Variants in WDR64 observed in about 807,000 individuals in gnomAD.
WDR64 encodes the protein WD repeat domain 64, also known as WD repeat-containing protein 64.
WDR64 carries 112 observed loss-of-function variants against 139.3 expected under a neutral mutation model. The observed-to-expected ratio is 0.80, with a 90% CI of 0.69 to 0.94. The LOEUF (loss-of-function observed/expected upper bound fraction) is 0.94, where lower values mean the gene tolerates loss of function less well. Among genes scored for constraint, WDR64 ranks in the 40% least tolerant of loss-of-function variants. The pLI is 0.00. For missense variants in WDR64, 1,206 were observed against 1,293.1 expected, an observed-to-expected ratio of 0.93 and a Z score of 1.03; for synonymous variants, 444 against 437.7, an observed-to-expected ratio of 1.01 and a Z score of -0.18.
At chr1:241,682,451 A>G (rs960646065) in intron 6 of WDR64, among the ~76,000 whole-genome samples, 2 of 152,142 alleles carry the variant, frequency 1.3e-5, no homozygotes, top group Non-Finnish European at 2.9e-5. Context: ...ATTTGGATTT[A>G]TTTCTGAGTT....
At chr1:241,662,986 T>C (rs960937956) in intron 2 of WDR64, among the ~76,000 whole-genome samples, 1 of 152,160 alleles carries the variant, frequency 6.6e-6, no homozygotes, top group African/African-American at 2.4e-5. Context: ...AATAGAATTA[T>C]ATGGCAAACT....
intron 13 of WDR64, among the ~76,000 whole-genome samples, chr1:241,748,596 C>T (rs1443310589): frequency 6.6e-6 from 1 of 152,058 alleles, no homozygotes; most frequent in African/African-American, 2.4e-5. Flanking sequence ...TCTCCAAACA[C>T]CATCACGTTG....
intron 17 of WDR64, among the ~76,000 whole-genome samples, chr1:241,769,959 G>A (rs143669871): frequency 6.6e-6 from 1 of 152,266 alleles, no homozygotes; most frequent in East Asian, 1.9e-4. Flanking sequence ...AAGAGCAAGG[G>A]ATTTAAGAAA....
At position 241,747,827 on chromosome 1, in the gene WDR64, C is replaced by T. The variant is rs7551632; in HGVS notation, c.1595-1720C>T. ...AGGCACTTCCGCGGAAGGCAGGACA[C>T]AATTACTGTCTTACCTAGGGCAGTG... On this transcript the variant is annotated intron_variant, in intron 13 of 27. Coordinates refer to ENST00000437684, the MANE Select transcript of WDR64 (RefSeq NM_001367482.1). 6.8e-3 allele frequency among the ~76,000 whole-genome samples: 1,029 copies of T among 152,282 alleles called. 10 individuals carry two copies. The highest frequency in any genetic ancestry group is 0.024 in the African/African-American group (978 of 41,556).
chr1:241,778,077 C>A (rs1658725490), intron 21 of WDR64, among the ~76,000 whole-genome samples: 1 of 152,084 alleles, frequency 6.6e-6, no homozygotes, highest in African/African-American at 2.4e-5. Flanking sequence ...GATTTTCTGC[C>A]TGCTTGGTCT....
Position 241,780,040 on chromosome 1 carries a change from T to C in WDR64, c.2573T>C (p.Leu858Pro). ...ATCCTTTGCAATATTAGCTCTTTCC[T>C]GGATCCACCTCATGATGAAAAGGTA... ...HVILCNISSF[L>P]DPPHDEKKFK... The change falls in exon 22 of 28, where the codon CTG becomes CCG. Residue 858 changes from leucine (L) to proline (P), a missense_variant. Leu to Pro is a moderately conservative substitution (Grantham distance 98, BLOSUM62 -3). Transcript: ENST00000437684. 3 of 1,588,276 alleles carry C rather than the reference T, an allele frequency of 1.9e-6. No homozygotes were observed. The highest frequency in any genetic ancestry group is 2.6e-6 in the Non-Finnish European group (3 of 1,173,388).
chr1:241,732,535 C>T (rs1219741203), intron 10 of WDR64, among the ~76,000 whole-genome samples: 2 of 152,226 alleles, frequency 1.3e-5, no homozygotes, highest in East Asian at 3.9e-4. Flanking sequence ...AAAACAGATA[C>T]CTGGCTGGGC....
chr1:241,698,914 G>GT (rs1201595547), intron 8 of WDR64, among the ~76,000 whole-genome samples: 1 of 152,196 alleles, frequency 6.6e-6, no homozygotes, highest in Non-Finnish European at 1.5e-5. Flanking sequence ...GCTGCAAAGG[G>GT]TTCAGGAAAC....
chr1:241,748,028 G>A (rs1669829989), intron 13 of WDR64, among the ~76,000 whole-genome samples: 1 of 152,206 alleles, frequency 6.6e-6, no homozygotes, highest in African/African-American at 2.4e-5. Flanking sequence ...ATGTCACACA[G>A]TGCTGGCCTC....
At chr1:241,757,649 GTT>G (rs35256499) in intron 15 of WDR64, among the ~76,000 whole-genome samples, 190 bp downstream of exon 15, 24,848 of 96,198 alleles carry the variant, frequency 0.26, 1,999 homozygotes, top group African/African-American at 0.29. Flanking sequence ...CAATGGATTT[GTT>G]TTTTTTTTTT....
intron 17 of WDR64, among the ~76,000 whole-genome samples, chr1:241,769,838 G>C (rs1236110082): frequency 6.6e-6 from 1 of 152,182 alleles, no homozygotes; most frequent in African/African-American, 2.4e-5. Context: ...GCCAAAATCT[G>C]ACACAGGTGT....
chr1:241,735,281 C>A (rs1444508026), intron 10 of WDR64, among the ~76,000 whole-genome samples: 1 of 152,070 alleles, frequency 6.6e-6, no homozygotes, highest in Non-Finnish European at 1.5e-5. Context: ...ATGAACGCAG[C>A]GCATATTATT....
intron 1 of WDR64, among the ~76,000 whole-genome samples, chr1:241,658,531 TG>T (rs1558457605): frequency 6.7e-6 from 1 of 150,032 alleles, no homozygotes; most frequent in African/African-American, 2.5e-5. Context: ...CCCAGCTACT[TG>T]GGGGGTTGAG....
chr1:241,658,638 CAAAAAAA>C (rs56278786), intron 1 of WDR64, among the ~76,000 whole-genome samples: 1 of 83,774 alleles, frequency 1.2e-5, no homozygotes. Flanking sequence ...GATCCTGTCT[CAAAAAAA>C]AAAAAAAAAA....
intron 15 of WDR64, 92 bp downstream of exon 15, chr1:241,757,551 G>A: frequency 8.4e-7 from 1 of 1,187,706 alleles, no homozygotes. Context: ...AATACAAAGA[G>A]CTTCTATGTG....
rs756435431 is a variant in WDR64 at position 241,757,302 on chromosome 1, AC to A, written c.1792del (p.Leu598SerfsTer3). On this transcript the variant is annotated frameshift_variant, in exon 15 of 28. Transcript: ENST00000437684. LOFTEE classifies it high-confidence loss of function. ...KMIQGKEDDIYLMVIWELPDV... is the reference protein window; with the variant it reads ...KMIQGKEDDIXLMVIWELPDV... ...TTAAAGGGTAAGGAAGATGATATCT[AC>A]CTCATGGTGATCTGGGAGCTGCCTG... The A allele has an allele frequency of 3.1e-6, 5 of 1,613,688 alleles. No homozygotes were observed. In the South Asian group the frequency reaches 5.5e-5, roughly 18 times the overall value.
Position 241,749,676 on chromosome 1 carries a change from A to G in WDR64, c.1724A>G (p.Gln575Arg). The G allele has an allele frequency of 6.2e-7, 1 of 1,614,126 alleles. No individual in the cohort carries two copies. Among genetic ancestry groups the G allele is most frequent in the Non-Finnish European group, 8.5e-7 (1 of 1,180,010 alleles). Residue 575 changes from glutamine (Q) to arginine (R), a missense_variant, in exon 14 of 28, where the codon CAG (glutamine) becomes CGG (arginine). Physicochemically the swap from Gln to Arg is conservative, Grantham distance 43. Transcript: ENST00000437684. Reference sequence around the variant, plus strand: ...CTCAAAGCCCAAGAAAAACACCAGCAGCTGGTCCTGGCCTTGGAGCGCAAC... The same window carrying G: ...CTCAAAGCCCAAGAAAAACACCAGCGGCTGGTCCTGGCCTTGGAGCGCAAC... ...IFLKAQEKHQQLVLALERNGT... is the reference protein window; with the variant it reads ...IFLKAQEKHQRLVLALERNGT...
chr1:241,744,386 C>T lies in WDR64; in HGVS notation c.1471-7C>T, dbSNP rs1313020762. 6.2e-7 allele frequency: 1 copy of T among 1,613,484 alleles called. No homozygotes were observed. The highest frequency in any genetic ancestry group is 8.5e-7 in the Non-Finnish European group (1 of 1,179,882). On this transcript the variant is annotated splice_polypyrimidine_tract_variant and splice_region_variant and intron_variant, in intron 12 of 27. Coordinates refer to ENST00000437684, the MANE Select transcript of WDR64 (RefSeq NM_001367482.1). The stretch of plus-strand genomic sequence containing the variant: ...GGATTACTTGATATTTTCGTTCTTT[C>T]CCATAGGTATGGGAACTCGAGACTG...
At chr1:241,711,764 A>C (rs1668177224) in intron 8 of WDR64, 38 bp from the exon 9 acceptor site, 1 of 1,599,638 alleles carries the variant, frequency 6.3e-7, no homozygotes, top group East Asian at 2.2e-5. Flanking sequence ...TTGATAAAGA[A>C]AAATATATAT....
Sources: gnomAD v4.1 joint callset for allele counts (sites outside exome capture counted in the v4.1 genomes callset) on GRCh38, gnomAD v4.1.1 for gene constraint, MANE v1.5 for transcripts, NCBI Gene and HGNC (gene_info 2026-07-23, HGNC 2026-07-21) for gene names.